The following ARHGAP24 variants were observed in gnomAD, a reference collection of about 807,000 sequenced individuals.
ARHGAP24 encodes the protein Rho GTPase activating protein 24, also known as rho GTPase-activating protein 24.
In ARHGAP24, 50 loss-of-function variants were observed where a neutral mutation model predicts 76.4. That is an observed-to-expected ratio of 0.65 (90% CI 0.52 to 0.83). ARHGAP24 has a LOEUF of 0.83. ARHGAP24 is among the 40% of genes least tolerant of loss of function. The probability of loss-of-function intolerance (pLI) is 0.00; values close to 1 mark genes in which losing one functional copy is unlikely to be tolerated. For missense variants in ARHGAP24, 930 were observed against 914.2 expected, an observed-to-expected ratio of 1.02 and a Z score of -0.22; for synonymous variants, 345 against 323.3, an observed-to-expected ratio of 1.07 and a Z score of -0.72.
At chr4:85,724,491 GTATATATATATA>G (rs60930279) in intron 3 of ARHGAP24, among the ~76,000 whole-genome samples, 2 of 10,710 alleles carry the variant, frequency 1.9e-4, no homozygotes, top group African/African-American at 2.4e-4. Flanking sequence ...TTCCATGTGT[GTATATATATATA>G]TATATATATA....
chr4:85,591,231 A>C (rs969921554), intron 2 of ARHGAP24, among the ~76,000 whole-genome samples: 2 of 151,950 alleles, frequency 1.3e-5, no homozygotes, highest in Admixed American at 6.6e-5. Flanking sequence ...TTTTTAGTAG[A>C]AATGAGGCTT....
intron 1 of ARHGAP24, among the ~76,000 whole-genome samples, chr4:85,539,030 G>C (rs1725579357): frequency 6.6e-6 from 1 of 152,120 alleles, no homozygotes; most frequent in African/African-American, 2.4e-5. Flanking sequence ...GACAGTTGTG[G>C]GAATGTGTAA....
chr4:85,476,322 A>G (rs1177824320), intron 1 of ARHGAP24, among the ~76,000 whole-genome samples: 4 of 152,136 alleles, frequency 2.6e-5, no homozygotes, highest in African/African-American at 7.2e-5. Context: ...TCAACCAGTA[A>G]TAGGGAGCCC....
At chr4:85,575,313 C>T (rs1326027216) in intron 2 of ARHGAP24, among the ~76,000 whole-genome samples, 1 of 152,050 alleles carries the variant, frequency 6.6e-6, no homozygotes, top group Non-Finnish European at 1.5e-5. Flanking sequence ...TTTGAAAGTA[C>T]ATTAATACAT....
At chr4:85,478,973 G>A (rs1374500414) in intron 1 of ARHGAP24, among the ~76,000 whole-genome samples, 2 of 152,074 alleles carry the variant, frequency 1.3e-5, no homozygotes, top group Non-Finnish European at 1.5e-5. Flanking sequence ...ATTGGTGGTG[G>A]GGGAGCCACC....
chr4:85,930,022 C>T (rs1736236868), intron 4 of ARHGAP24, among the ~76,000 whole-genome samples: 1 of 152,202 alleles, frequency 6.6e-6, no homozygotes, highest in Admixed American at 6.5e-5. Context: ...GCGTGGCATT[C>T]TCCCTCCTCC....
rs1278644920 is a variant in ARHGAP24, at chr4:85,593,926, G to GT, written c.180+23205_180+23206insT. On this transcript the variant is annotated intron_variant, in intron 2 of 9. Transcript: ENST00000395184. ...TGTTCTTTGTGCTCAGAATAGCTTT[G>GT]GCTATTCCGGGTCTTTTGTGATTCT... is the stretch of plus-strand genomic sequence containing the variant. Among the ~76,000 whole-genome samples, 26 of 152,042 alleles carry GT rather than the reference G, an allele frequency of 1.7e-4. No homozygotes were observed. The East Asian group carries it at 5.0e-3, about 29-fold the overall frequency.
At chr4:85,655,788 T>G (rs371856064) in intron 2 of ARHGAP24, among the ~76,000 whole-genome samples, 4,886 of 48,408 alleles carry the variant, frequency 0.1, 239 homozygotes, top group Middle Eastern at 0.12. Flanking sequence ...TATATATATA[T>G]ATATAGAGAG....
intron 2 of ARHGAP24, among the ~76,000 whole-genome samples, chr4:85,607,105 A>G (rs1416705996): frequency 6.6e-6 from 1 of 152,210 alleles, no homozygotes; most frequent in Non-Finnish European, 1.5e-5. Context: ...CCCTCTATCT[A>G]AGGACATTCT....
At chr4:85,876,887 TG>T (rs1732965313) in intron 3 of ARHGAP24, among the ~76,000 whole-genome samples, 1 of 152,186 alleles carries the variant, frequency 6.6e-6, no homozygotes, top group African/African-American at 2.4e-5. Context: ...AAAAAACAGC[TG>T]CACGTTTGCA....
intron 2 of ARHGAP24, among the ~76,000 whole-genome samples, chr4:85,645,788 G>A (rs1578104543): frequency 1.3e-5 from 2 of 152,024 alleles, no homozygotes; most frequent in African/African-American, 4.8e-5. Context: ...CCAGCTGAGA[G>A]CTTATGAAAA....
In ARHGAP24 at chr4:85,768,378, G is replaced by T. The variant is rs140972266; in HGVS notation, c.268+46406G>T. On this transcript the variant is annotated intron_variant, in intron 3 of 9. Transcript: ENST00000395184. Reference sequence around the variant, plus strand: ...ACAGAGTGATAATACAGCAGGAAAAGAATGCTTCTGAGTTGAGCAGGCAAA... The same window carrying T: ...ACAGAGTGATAATACAGCAGGAAAATAATGCTTCTGAGTTGAGCAGGCAAA... 9.9e-5 allele frequency among the ~76,000 whole-genome samples: 15 copies of T among 152,202 alleles called. No homozygotes were observed. In the East Asian group the frequency reaches 2.9e-3, roughly 29 times the overall value.
intron 2 of ARHGAP24, among the ~76,000 whole-genome samples, chr4:85,649,343 C>A (rs892229639): frequency 3.0e-4 from 45 of 152,114 alleles, no homozygotes; most frequent in African/African-American, 9.4e-4. Context: ...TTGTAACAGT[C>A]CTGTGGGGAT....
intron 1 of ARHGAP24, among the ~76,000 whole-genome samples, chr4:85,516,330 A>G (rs1724498820): frequency 6.6e-6 from 1 of 152,156 alleles, no homozygotes; most frequent in Non-Finnish European, 1.5e-5. Context: ...TTTTATCAAT[A>G]TTTCTTAAAT....
chr4:86,000,726 T>G lies in ARHGAP24; in HGVS notation c.*4T>G. 6.2e-7 allele frequency: 1 copy of G among 1,613,652 alleles called. No homozygotes were observed. Among genetic ancestry groups the G allele is most frequent in the Non-Finnish European group, 8.5e-7 (1 of 1,179,708 alleles). Reference sequence around the variant, plus strand: ...AAACACAATATGGATTCAGTGAGCCTGCTTTCGCCTGCTGTCTCTGATGGC... The same window carrying G: ...AAACACAATATGGATTCAGTGAGCCGGCTTTCGCCTGCTGTCTCTGATGGC... On this transcript the variant is annotated 3_prime_UTR_variant, in exon 10 of 10. Transcript: ENST00000395184.
intron 1 of ARHGAP24, among the ~76,000 whole-genome samples, chr4:85,534,625 C>G (rs948092375): frequency 6.6e-6 from 1 of 152,150 alleles, no homozygotes; most frequent in African/African-American, 2.4e-5. Context: ...TAGAACTCAG[C>G]AGCAGCTGAG....
intron 3 of ARHGAP24, among the ~76,000 whole-genome samples, chr4:85,915,247 T>C (rs1167528264): frequency 6.6e-6 from 1 of 152,178 alleles, no homozygotes; most frequent in Admixed American, 6.5e-5. Flanking sequence ...TAGCACACTT[T>C]TGAAGGAATA....
intron 3 of ARHGAP24, among the ~76,000 whole-genome samples, chr4:85,812,425 C>T (rs1729054926): frequency 6.6e-6 from 1 of 151,986 alleles, no homozygotes; most frequent in Non-Finnish European, 1.5e-5. Flanking sequence ...TTCATACCAT[C>T]CATTAATTTC....
At chr4:85,644,126 C>T (rs1721634459) in intron 2 of ARHGAP24, among the ~76,000 whole-genome samples, 2 of 152,164 alleles carry the variant, frequency 1.3e-5, no homozygotes, top group South Asian at 4.1e-4. Flanking sequence ...GGGCAAGTGA[C>T]TTAAACTTTG....
Sources: gnomAD v4.1 joint callset for allele counts (sites outside exome capture counted in the v4.1 genomes callset) on GRCh38, gnomAD v4.1.1 for gene constraint, MANE v1.5 for transcripts, NCBI Gene and HGNC (gene_info 2026-07-23, HGNC 2026-07-21) for gene names.